Variants in PHEX observed in about 807,000 individuals in gnomAD.
PHEX encodes phosphate-regulating neutral endopeptidase PHEX.
Under a neutral mutation model 68.0 loss-of-function variants are expected in PHEX, and 16 were observed. The ratio of observed to expected loss-of-function variants is 0.24; its 90% confidence interval spans 0.16 to 0.36. The LOEUF is 0.36. Ranked by LOEUF, PHEX falls within the 10% of genes least tolerant of loss-of-function variation. The pLI is 1.00. For synonymous variants in PHEX, 208 were observed against 205.1 expected (o/e 1.01, Z -0.12); for missense variants, 480 against 575.5 (o/e 0.83, Z 1.70).
At chrX:22,076,180 A>G (rs1929142236) in intron 3 of PHEX, among the ~76,000 whole-genome samples, 1 of 112,527 alleles carries the variant, frequency 8.9e-6, no homozygotes, top group Non-Finnish European at 1.9e-5. Context: ...AGTACCCTGG[A>G]TAAGAGAATG....
chrX:22,189,018 G>C (rs760915035), intron 14 of PHEX, among the ~76,000 whole-genome samples: 2 of 112,604 alleles, frequency 1.8e-5, no homozygotes, highest in Non-Finnish European at 3.7e-5. Context: ...ACAAATACGT[G>C]AGAACATGCA....
chrX:22,130,064 G>A (rs1012798336), intron 11 of PHEX, among the ~76,000 whole-genome samples: 1 of 111,764 alleles, frequency 8.9e-6, no homozygotes, highest in Non-Finnish European at 1.9e-5. Flanking sequence ...CTCTCTCTAC[G>A]TTCCTCACTT....
At position 22,070,670 on chromosome X, in the gene PHEX, C is replaced by T. The variant is rs774540267; in HGVS notation, c.350-5718C>T. On this transcript the variant is annotated intron_variant, in intron 3 of 21. Transcript: ENST00000379374. ...CTCTGTTCTCCAGTCTGGGTGACAG[C>T]ACAAGACCCTGTCTCTAAAAGTACC... Among the ~76,000 whole-genome samples the T allele has an allele frequency of 1.3e-4, 14 of 111,867 alleles. No individual in the cohort carries two copies. In the East Asian group the frequency reaches 4.0e-3, roughly 32 times the overall value.
chrX:22,186,364 G>T (rs749680071), intron 14 of PHEX, among the ~76,000 whole-genome samples: 1 of 112,372 alleles, frequency 8.9e-6, no homozygotes, highest in Non-Finnish European at 1.9e-5. Context: ...TTCTTTAGAA[G>T]TGAGTCACTA....
intron 5 of PHEX, among the ~76,000 whole-genome samples, chrX:22,078,220 T>C (rs764702835): frequency 2.4e-4 from 27 of 112,246 alleles, no homozygotes; most frequent in Non-Finnish European, 4.5e-4. Context: ...AAGTGCTTGG[T>C]TGCGTTTTCT....
intron 9 of PHEX, among the ~76,000 whole-genome samples, chrX:22,101,226 G>A (rs1003825659): frequency 8.9e-6 from 1 of 111,849 alleles, no homozygotes; most frequent in African/African-American, 3.2e-5. Context: ...CTTTCACACA[G>A]TTTATCCCTC....
chrX:22,035,061 G>A (rs1229465778), intron 1 of PHEX, among the ~76,000 whole-genome samples: 2 of 110,451 alleles, frequency 1.8e-5, no homozygotes, highest in African/African-American at 3.3e-5. Context: ...AGTTAGGGTC[G>A]TCGTCTCTTC....
intron 3 of PHEX, among the ~76,000 whole-genome samples, chrX:22,065,979 C>T (rs1437630688): frequency 2.7e-5 from 3 of 111,857 alleles, no homozygotes; most frequent in South Asian, 7.4e-4. Context: ...GAGTTGCAAG[C>T]GCAGAGACTC....
chrX:22,154,269 T>C (rs1467144531), intron 12 of PHEX, among the ~76,000 whole-genome samples: 1 of 111,906 alleles, frequency 8.9e-6, no homozygotes, highest in Non-Finnish European at 1.9e-5. Context: ...TGACTATTAG[T>C]GAAATCCCTA....
intron 11 of PHEX, among the ~76,000 whole-genome samples, chrX:22,129,493 A>G (rs1186222628): frequency 9.0e-6 from 1 of 111,569 alleles, no homozygotes; most frequent in East Asian, 2.8e-4. Flanking sequence ...TCATGGAGAA[A>G]AGACCCACGT....
At chrX:22,072,616 G>A (rs1442383983) in intron 3 of PHEX, among the ~76,000 whole-genome samples, 3 of 111,810 alleles carry the variant, frequency 2.7e-5, no homozygotes, top group Non-Finnish European at 5.6e-5. Flanking sequence ...AAAAGGACTC[G>A]TACGTAGAAT....
At chrX:22,225,716 G>A (rs1160771060) in intron 18 of PHEX, among the ~76,000 whole-genome samples, 2 of 112,390 alleles carry the variant, frequency 1.8e-5, no homozygotes, top group Non-Finnish European at 1.9e-5. Context: ...AGTTGTTGAA[G>A]TATGTAACAT....
At chrX:22,095,662 G>A (rs1930105088) in intron 7 of PHEX, among the ~76,000 whole-genome samples, 1 of 112,151 alleles carries the variant, frequency 8.9e-6, no homozygotes, top group African/African-American at 3.2e-5. Flanking sequence ...CTCCTGTGGA[G>A]GGTGAAGAAA....
At chrX:22,191,516 A>T (rs1258025948) in intron 15 of PHEX, among the ~76,000 whole-genome samples, 1 of 112,236 alleles carries the variant, frequency 8.9e-6, no homozygotes, top group Non-Finnish European at 1.9e-5. Context: ...GTGCTCCTGG[A>T]ATGTGCTCTA....
intron 15 of PHEX, among the ~76,000 whole-genome samples, chrX:22,211,906 A>G (rs1429915905): frequency 8.9e-6 from 1 of 111,735 alleles, no homozygotes; most frequent in Non-Finnish European, 1.9e-5. Context: ...ATCTCATGAG[A>G]CTTATTCACT....
At chrX:22,216,734 G>A in intron 16 of PHEX, among the ~76,000 whole-genome samples, 1 of 109,541 alleles carries the variant, frequency 9.1e-6, no homozygotes, top group South Asian at 4.0e-4. Context: ...TGGTCAGGCT[G>A]GTCTCGAACT....
rs1182752837 is a variant in PHEX, at chrX:22,073,635, GTTTTTTTT to G, written c.350-2733_350-2726del. On this transcript the variant is annotated intron_variant, in intron 3 of 21. Transcript: ENST00000379374. ...AAAGTCTGAGGTTTGCTGTGCTATA[GTTTTTTTT>G]TTTTTTTTTTTTTTTTTTTGGAAAC... 2.0e-3 allele frequency among the ~76,000 whole-genome samples: 105 copies of G among 53,210 alleles called. 1 individual carries two copies. Among genetic ancestry groups the G allele is most frequent in the African/African-American group, 7.8e-3 (102 of 13,009 alleles). The allele number at this position is 53,210 out of a possible 115,157, so 46.2% of individuals were successfully genotyped here. A position where few individuals can be genotyped will look rare whatever the true frequency, so the allele number is the denominator to read the frequency against.
At position 22,185,756 on chromosome X, in the gene PHEX, G is replaced by GTTTTTTTTT. The variant is rs3085228; in HGVS notation, c.1587-4679_1587-4671dup. 2.5e-4 allele frequency among the ~76,000 whole-genome samples: 22 copies of GTTTTTTTTT among 87,775 alleles called. 2 individuals carry two copies. Among genetic ancestry groups the GTTTTTTTTT allele is most frequent in the African/African-American group, 9.0e-4 (18 of 19,947 alleles). 76.2% of individuals were successfully genotyped at this position (87,775 alleles called of 115,157 possible). On this transcript the variant is annotated intron_variant, in intron 14 of 21. Coordinates refer to ENST00000379374, the MANE Select transcript of PHEX (RefSeq NM_000444.6). Reference sequence around the variant, plus strand: ...CTCAGCTGCATGGTTCTCGTTTGTGGTTTTTTTTTTTTTTTTTGGACACAG... The same window carrying GTTTTTTTTT: ...CTCAGCTGCATGGTTCTCGTTTGTGGTTTTTTTTTTTTTTTTTTTTTTTTTTGGACACAG...
intron 11 of PHEX, among the ~76,000 whole-genome samples, chrX:22,132,359 C>T (rs745918066): frequency 2.4e-4 from 27 of 111,624 alleles, no homozygotes; most frequent in East Asian, 8.4e-4. Flanking sequence ...CCTCCTGCTT[C>T]GGCCTTCCAA....
Sources: gnomAD v4.1 joint callset for allele counts (sites outside exome capture counted in the v4.1 genomes callset) on GRCh38, gnomAD v4.1.1 for gene constraint, MANE v1.5 for transcripts, NCBI Gene and HGNC (gene_info 2026-07-23, HGNC 2026-07-21) for gene names.